The following UBR1 variants were observed in gnomAD, a reference collection of about 807,000 sequenced individuals.
UBR1 encodes ubiquitin protein ligase E3 component n-recognin 1, also known as E3 ubiquitin-protein ligase UBR1.
Under a neutral mutation model 242.1 loss-of-function variants are expected in UBR1, and 102 were observed. That is an observed-to-expected ratio of 0.42 (90% CI 0.36 to 0.50). UBR1 has a LOEUF of 0.50. UBR1 is among the 20% of genes least tolerant of loss of function. UBR1 has a pLI of 0.01. For synonymous variants in UBR1, 675 were observed against 684.8 expected, an observed-to-expected ratio of 0.99 and a Z score of 0.22; for missense variants, 1,772 against 2,101.8, an observed-to-expected ratio of 0.84 and a Z score of 3.07.
intron 40 of UBR1, among the ~76,000 whole-genome samples, chr15:42,968,588 A>G (rs1053368189): frequency 5.9e-5 from 9 of 151,618 alleles, no homozygotes; most frequent in African/African-American, 2.2e-4. Context: ...TTATATAGGT[A>G]TACATGTGTC....
At chr15:43,084,194 A>G (rs2034006050) in intron 2 of UBR1, among the ~76,000 whole-genome samples, 1 of 152,150 alleles carries the variant, frequency 6.6e-6, no homozygotes, top group Admixed American at 6.6e-5. Flanking sequence ...TTTGGGCCAG[A>G]TATCATTTGT....
At chr15:42,967,184 C>A (rs2032119471) in intron 40 of UBR1, among the ~76,000 whole-genome samples, 1 of 147,758 alleles carries the variant, frequency 6.8e-6, no homozygotes. Flanking sequence ...TCCCAAAGTG[C>A]TGGGATTATA....
At chr15:42,992,712 G>A (rs577984062) in intron 33 of UBR1, among the ~76,000 whole-genome samples, 98 of 152,212 alleles carry the variant, frequency 6.4e-4, no homozygotes, top group African/African-American at 2.2e-3. Flanking sequence ...CTCTCCTCTT[G>A]GGGATTTCCC....
At position 43,024,972 on chromosome 15, in the gene UBR1, G is replaced by A. The variant is rs2033160553; in HGVS notation, c.2596C>T (p.Pro866Ser). The change falls in exon 25 of 47, where the codon CCA becomes TCA. Residue 866 changes from proline to serine, a missense_variant. Pro to Ser is a moderately conservative substitution (Grantham distance 74). Coordinates refer to ENST00000290650, the MANE Select transcript of UBR1 (RefSeq NM_174916.3). ...QENKDEALPP[P>S]PPPEFCPAFS... ...GCAGGGCAGAATTCAGGAGGTGGTG[G>A]TGGCGGCAATGCTATAGGAGGTGGG... is the stretch of plus-strand genomic sequence containing the variant. 6.2e-7 allele frequency: 1 copy of A among 1,614,076 alleles called. No individual in the cohort carries two copies. Among genetic ancestry groups the A allele is most frequent in the African/African-American group, 1.3e-5 (1 of 74,932 alleles).
At chr15:42,982,033 G>C (rs553887794) in intron 37 of UBR1, among the ~76,000 whole-genome samples, 1 of 152,232 alleles carries the variant, frequency 6.6e-6, no homozygotes, top group South Asian at 2.1e-4. Flanking sequence ...GATAATGTTA[G>C]TCTCCTTCTT....
intron 33 of UBR1, among the ~76,000 whole-genome samples, chr15:42,996,605 A>ACC (rs1013360848): frequency 2.6e-5 from 4 of 151,108 alleles, no homozygotes; most frequent in African/African-American, 9.7e-5. Flanking sequence ...AAAACAACAA[A>ACC]CCCCCCCAAC....
At chr15:43,011,617 G>A (rs1047724182) in intron 29 of UBR1, among the ~76,000 whole-genome samples, 1 of 152,194 alleles carries the variant, frequency 6.6e-6, no homozygotes, top group Non-Finnish European at 1.5e-5. Context: ...ACATTTTCAA[G>A]TACTGAAAAT....
Position 42,977,929 on chromosome 15 carries a change from T to C in UBR1, c.4169A>G (p.Lys1390Arg). 2 of 1,613,118 alleles carry C rather than the reference T, an allele frequency of 1.2e-6. No homozygotes were observed. The highest frequency in any genetic ancestry group is 1.7e-6 in the Non-Finnish European group (2 of 1,179,322). ...CAGAAGGCATGGTGTATCTTCTGATTTTATGTTAGGAAGAACAACTAAAAC... is the reference window on the plus strand; with the variant it reads ...CAGAAGGCATGGTGTATCTTCTGATCTTATGTTAGGAAGAACAACTAAAAC... ...RLLSVVLPNI[K>R]SEDTPCLLSI... is the part of the protein sequence containing the mutation. The change falls in exon 38 of 47, where the codon AAA (lysine) becomes AGA (arginine). Residue 1390 changes from lysine to arginine, a missense_variant. Coordinates refer to ENST00000290650, the MANE Select transcript of UBR1 (RefSeq NM_174916.3).
chr15:42,947,110 C>A (rs1302814578), intron 46 of UBR1, among the ~76,000 whole-genome samples: 1 of 152,052 alleles, frequency 6.6e-6, no homozygotes, highest in Admixed American at 6.5e-5. Flanking sequence ...GAGATCCAGC[C>A]TGGGTGACAG....
At chr15:43,095,342 CAT>C (rs1328906612) in intron 1 of UBR1, among the ~76,000 whole-genome samples, 3 of 152,086 alleles carry the variant, frequency 2.0e-5, no homozygotes, top group Admixed American at 2.0e-4. Flanking sequence ...TGAAGAGTGG[CAT>C]TAAGTAAACT....
chr15:43,017,964 C>A (rs748405554), intron 27 of UBR1, among the ~76,000 whole-genome samples: 40 of 151,700 alleles, frequency 2.6e-4, no homozygotes, highest in Middle Eastern at 3.4e-3. Flanking sequence ...TTCACTTAAT[C>A]ATTTATCTTC....
At chr15:43,022,360 A>G (rs1163481473) in intron 26 of UBR1, among the ~76,000 whole-genome samples, 2 of 151,980 alleles carry the variant, frequency 1.3e-5, no homozygotes, top group African/African-American at 4.8e-5. Flanking sequence ...CTTGAATGCT[A>G]TGGTTGACAC....
rs7182063 is a variant in UBR1 at position 43,017,231 on chromosome 15, G to T, written c.2941-50C>A. 3.1e-6 allele frequency: 4 copies of T among 1,285,556 alleles called. No homozygotes were observed. The South Asian group carries it at 4.8e-5, about 16-fold the overall frequency. 79.6% of individuals were successfully genotyped at this position (1,285,556 alleles called of 1,614,324 possible). Reference sequence around the variant, plus strand: ...AAAGAGTTAGTTAGACTGTTAGACCGACCAGGAACAGAAACATTCACTAAT... The same window carrying T: ...AAAGAGTTAGTTAGACTGTTAGACCTACCAGGAACAGAAACATTCACTAAT... On this transcript the variant is annotated intron_variant, in intron 27 of 46. Transcript: ENST00000290650.
Position 42,978,095 on chromosome 15 carries a change from A to G in UBR1, c.4151-148T>C, listed in dbSNP as rs2032317904. The stretch of plus-strand genomic sequence containing the variant: ...ATCACACCTTTGAGATATGAAAACC[A>G]TAATGAGAGACAAACTGAACTGAGA... On this transcript the variant is annotated intron_variant, in intron 37 of 46. Coordinates refer to ENST00000290650, the MANE Select transcript of UBR1 (RefSeq NM_174916.3). 9 of 676,902 alleles carry G rather than the reference A, an allele frequency of 1.3e-5. No homozygotes were observed. In the South Asian group the frequency reaches 1.6e-4, roughly 12 times the overall value. The allele number at this position is 676,902 out of a possible 1,614,324, so 41.9% of individuals were successfully genotyped here. A position where few individuals can be genotyped will look rare whatever the true frequency, so the allele number is the denominator to read the frequency against.
intron 13 of UBR1, among the ~76,000 whole-genome samples, chr15:43,047,508 T>C (rs772711803): frequency 6.6e-6 from 1 of 152,228 alleles, no homozygotes; most frequent in Non-Finnish European, 1.5e-5. Context: ...TGTGTGACCC[T>C]GGGCAAATTA....
At chr15:43,030,407 A>C (rs941284285) in intron 20 of UBR1, among the ~76,000 whole-genome samples, 1 of 152,244 alleles carries the variant, frequency 6.6e-6, no homozygotes, top group African/African-American at 2.4e-5. Flanking sequence ...ATGTGTTTCT[A>C]ACCCAGAACA....
intron 9 of UBR1, 55 bp downstream of exon 9, chr15:43,059,030 A>G: frequency 7.3e-7 from 1 of 1,368,296 alleles, no homozygotes; most frequent in Middle Eastern, 1.8e-4. Context: ...CTCCACTTTA[A>G]GGTCATAATC....
chr15:43,064,476 T>G (rs552850523), intron 6 of UBR1, among the ~76,000 whole-genome samples: 2 of 152,208 alleles, frequency 1.3e-5, no homozygotes, highest in Non-Finnish European at 2.9e-5. Context: ...AGAAACAAAC[T>G]TTCTAAGTGC....
At chr15:43,054,701 A>G in intron 12 of UBR1, 41 bp downstream of exon 12, 5 of 1,608,788 alleles carry the variant, frequency 3.1e-6, no homozygotes, top group Non-Finnish European at 4.3e-6. Flanking sequence ...AAGCACACTG[A>G]GTTTAACAGG....
Sources: gnomAD v4.1 joint callset for allele counts (sites outside exome capture counted in the v4.1 genomes callset) on GRCh38, gnomAD v4.1.1 for gene constraint, MANE v1.5 for transcripts, NCBI Gene and HGNC (gene_info 2026-07-23, HGNC 2026-07-21) for gene names.